CEP128: variants seen among roughly 807,000 people sequenced by gnomAD.
CEP128 encodes centrosomal protein 128kDa.
In CEP128, 132 loss-of-function variants were observed where a neutral mutation model predicts 156.7. The ratio of observed to expected loss-of-function variants is 0.84; its 90% CI spans 0.73 to 0.97. The LOEUF is 0.97. Among genes scored for constraint, CEP128 ranks in the 50% least tolerant of loss-of-function variants. CEP128 has a pLI of 0.00. For missense variants in CEP128, 1,252 were observed against 1,281.9 expected (o/e 0.98, Z 0.36); for synonymous variants, 469 against 448.9 (o/e 1.04, Z -0.57).
At chr14:80,756,376 T>C (rs745687859) in intron 18 of CEP128, among the ~76,000 whole-genome samples, 3 of 152,168 alleles carry the variant, frequency 2.0e-5, no homozygotes, top group Non-Finnish European at 4.4e-5. Context: ...TATCTTTCCA[T>C]CACCTCCCAC....
At chr14:80,799,823 G>C (rs1489910927) in intron 13 of CEP128, among the ~76,000 whole-genome samples, 4 of 152,070 alleles carry the variant, frequency 2.6e-5, no homozygotes, top group Non-Finnish European at 4.4e-5. Context: ...CCTGTTTTCT[G>C]TTATTTAAGA....
At chr14:80,695,792 A>G (rs529647083) in intron 19 of CEP128, among the ~76,000 whole-genome samples, 26 of 152,182 alleles carry the variant, frequency 1.7e-4, no homozygotes, top group African/African-American at 6.0e-4. Context: ...CAAAGTGCCT[A>G]GGAAAGTAGC....
intron 8 of CEP128, among the ~76,000 whole-genome samples, chr14:80,870,133 G>A (rs1443239896): frequency 1.3e-5 from 2 of 151,950 alleles, no homozygotes; most frequent in Non-Finnish European, 2.9e-5. Context: ...GAAAAGCCCA[G>A]AACCTGATTA....
chr14:80,732,471 G>GGTGTGTGTGTGTGTGTGTGTGT (rs10672093), intron 19 of CEP128, among the ~76,000 whole-genome samples: 2 of 127,646 alleles, frequency 1.6e-5, no homozygotes, highest in Admixed American at 1.6e-4. Context: ...TGATTAAGCA[G>GGTGTGTGTGTGTGTGTGTGTGT]GTGTGTGTGT....
chr14:80,871,838 C>T (rs12884630), intron 8 of CEP128, among the ~76,000 whole-genome samples: 14,962 of 151,934 alleles, frequency 0.098, 1,253 homozygotes, highest in East Asian at 0.44. Context: ...ATTAGAATGG[C>T]TTTTAAGATT....
At chr14:80,510,282 C>T (rs1187184711) in intron 23 of CEP128, among the ~76,000 whole-genome samples, 1 of 151,926 alleles carries the variant, frequency 6.6e-6, no homozygotes, top group Non-Finnish European at 1.5e-5. Flanking sequence ...TTGTATGTGT[C>T]CTCTTCAATT....
intron 21 of CEP128, among the ~76,000 whole-genome samples, chr14:80,554,029 C>T (rs2140350648): frequency 6.6e-6 from 1 of 152,186 alleles, no homozygotes; most frequent in East Asian, 1.9e-4. Context: ...AGAAAGTTTC[C>T]CTCTATTCTT....
chr14:80,500,840 T>A (rs1383777510), intron 24 of CEP128, among the ~76,000 whole-genome samples: 1 of 152,260 alleles, frequency 6.6e-6, no homozygotes, highest in African/African-American at 2.4e-5. Flanking sequence ...TATGACTGTT[T>A]ACATTATTAT....
At chr14:80,670,002 A>G (rs1207308639) in intron 19 of CEP128, among the ~76,000 whole-genome samples, 2 of 152,148 alleles carry the variant, frequency 1.3e-5, no homozygotes, top group African/African-American at 4.8e-5. Flanking sequence ...GAGCTGGCAC[A>G]TTCATGCCAA....
chr14:80,713,106 A>C (rs758076458), intron 19 of CEP128, among the ~76,000 whole-genome samples: 4 of 152,166 alleles, frequency 2.6e-5, no homozygotes, highest in Non-Finnish European at 5.9e-5. Flanking sequence ...GTTATCAAGA[A>C]GGGCACTTTA....
At position 80,614,703 on chromosome 14, in the gene CEP128, C is replaced by A. The variant is rs949300519; in HGVS notation, c.2807-34280G>T. Reference sequence around the variant, plus strand: ...GTTCACCCAGATACCTTCTACTAAACCTTTGAAAGTCAAATATCGTGTTAT... The same window carrying A: ...GTTCACCCAGATACCTTCTACTAAAACTTTGAAAGTCAAATATCGTGTTAT... On this transcript the variant is annotated intron_variant, in intron 19 of 24. Coordinates refer to ENST00000555265, the MANE Select transcript of CEP128 (RefSeq NM_152446.5). Among the ~76,000 whole-genome samples the A allele has an allele frequency of 2.6e-5, 4 of 152,278 alleles. No homozygotes were observed. The East Asian group carries it at 5.8e-4, about 22-fold the overall frequency.
intron 20 of CEP128, among the ~76,000 whole-genome samples, chr14:80,569,526 T>C (rs968272728): frequency 2.6e-5 from 4 of 152,210 alleles, no homozygotes; most frequent in African/African-American, 9.7e-5. Context: ...TGATACAGTG[T>C]GGTTGTAGGA....
At chr14:80,679,883 C>T (rs990152869) in intron 19 of CEP128, among the ~76,000 whole-genome samples, 1 of 152,188 alleles carries the variant, frequency 6.6e-6, no homozygotes, top group African/African-American at 2.4e-5. Context: ...GGAGGCCCAG[C>T]TGTAAAATTC....
chr14:80,906,157 CA>C, intron 4 of CEP128, 76 bp from the exon 5 acceptor site: 1 of 1,154,070 alleles, frequency 8.7e-7, no homozygotes, highest in Non-Finnish European at 1.1e-6. Context: ...CACAGATTTT[CA>C]AAGCTATTTC....
At chr14:80,748,711 A>G (rs1459122717) in intron 18 of CEP128, among the ~76,000 whole-genome samples, 1 of 152,152 alleles carries the variant, frequency 6.6e-6, no homozygotes, top group Non-Finnish European at 1.5e-5. Flanking sequence ...TACCCTGTGT[A>G]CTCTCAGCTG....
chr14:80,636,850 G>C (rs1894201804), intron 19 of CEP128, among the ~76,000 whole-genome samples: 1 of 152,072 alleles, frequency 6.6e-6, no homozygotes, highest in Admixed American at 6.6e-5. Context: ...ACTTTGGGAG[G>C]CCAACACGGG....
chr14:80,647,122 CACAT>C (rs58424962), intron 19 of CEP128, among the ~76,000 whole-genome samples: 19,204 of 108,862 alleles, frequency 0.18, 4,402 homozygotes, highest in East Asian at 0.37. Context: ...CACACACACA[CACAT>C]ACACACACAC....
intron 19 of CEP128, among the ~76,000 whole-genome samples, chr14:80,634,913 G>A (rs1894117565): frequency 6.6e-6 from 1 of 152,098 alleles, no homozygotes; most frequent in Non-Finnish European, 1.5e-5. Context: ...TTTCAGATAA[G>A]AACCACCAGT....
At chr14:80,907,941 G>C (rs143248265) in intron 4 of CEP128, among the ~76,000 whole-genome samples, 1 of 152,028 alleles carries the variant, frequency 6.6e-6, no homozygotes, top group Non-Finnish European at 1.5e-5. Context: ...AAAAATTAGC[G>C]TCAGAAATAA....
Sources: gnomAD v4.1 joint callset for allele counts (sites outside exome capture counted in the v4.1 genomes callset) on GRCh38, gnomAD v4.1.1 for gene constraint, MANE v1.5 for transcripts, NCBI Gene and HGNC (gene_info 2026-07-23, HGNC 2026-07-21) for gene names.